Variants in CCDC112 observed in about 807,000 individuals in gnomAD.
CCDC112 encodes coiled-coil domain-containing protein 112.
A neutral mutation model predicts 66.3 loss-of-function variants in CCDC112; 40 were observed. The ratio of observed to expected loss-of-function variants is 0.60; its 90% CI spans 0.47 to 0.79. The LOEUF is 0.79. CCDC112 is among the 30% of genes least tolerant of loss of function. The pLI, the probability that CCDC112 is intolerant of heterozygous loss-of-function variation, is 0.00. For synonymous variants in CCDC112, 214 were observed against 197.2 expected (o/e 1.09, Z -0.71); for missense variants, 659 against 603.8 (o/e 1.09, Z -0.96).
intron 3 of CCDC112, 70 bp downstream of exon 3, chr5:115,279,577 A>T: frequency 1.3e-6 from 2 of 1,499,590 alleles, no homozygotes; most frequent in South Asian, 2.3e-5. Flanking sequence ...ATGCACAAAG[A>T]CAAAGCACAG....
At chr5:115,269,875 A>G (rs1359066286) in intron 7 of CCDC112, 77 bp from the exon 8 acceptor site, 8 of 831,550 alleles carry the variant, frequency 9.6e-6, no homozygotes. Flanking sequence ...TCACAAGTAA[A>G]ATTAAATTAC....
At chr5:115,276,275 T>C (rs1480662711) in intron 4 of CCDC112, among the ~76,000 whole-genome samples, 1 of 152,184 alleles carries the variant, frequency 6.6e-6, no homozygotes, top group Middle Eastern at 3.2e-3. Flanking sequence ...ATCATAATTA[T>C]CTCCATTTTA....
intron 1 of CCDC112, among the ~76,000 whole-genome samples, chr5:115,287,023 C>G (rs1295774997): frequency 6.6e-6 from 1 of 152,098 alleles, no homozygotes; most frequent in Non-Finnish European, 1.5e-5. Context: ...AAATATATCC[C>G]CCCATTCTCT....
chr5:115,280,697 G>A (rs1160312581), intron 2 of CCDC112, among the ~76,000 whole-genome samples: 2 of 151,552 alleles, frequency 1.3e-5, no homozygotes, highest in East Asian at 2.0e-4. Context: ...GGACTACAGG[G>A]GCACACAACC....
At chr5:115,279,372 A>AT (rs1477625410) in intron 3 of CCDC112, among the ~76,000 whole-genome samples, 1 of 151,910 alleles carries the variant, frequency 6.6e-6, no homozygotes, top group Non-Finnish European at 1.5e-5. Context: ...GTCAACCAAA[A>AT]AAATCCCCCA....
chr5:115,269,872 T>A, intron 7 of CCDC112, 74 bp from the exon 8 acceptor site: 1 of 841,236 alleles, frequency 1.2e-6, no homozygotes, highest in Non-Finnish European at 1.8e-6. Context: ...TGTTCACAAG[T>A]AAAATTAAAT....
intron 3 of CCDC112, among the ~76,000 whole-genome samples, 193 bp downstream of exon 3, chr5:115,279,454 G>A (rs142761800): frequency 1.2e-3 from 183 of 152,146 alleles, no homozygotes; most frequent in African/African-American, 4.3e-3. Context: ...ACTAAATAGT[G>A]ACCCGAAAGA....
chr5:115,283,489 G>A (rs1454509509), intron 2 of CCDC112, among the ~76,000 whole-genome samples: 1 of 152,036 alleles, frequency 6.6e-6, no homozygotes, highest in African/African-American at 2.4e-5. Flanking sequence ...GCACACACAA[G>A]GTAACTATGT....
intron 1 of CCDC112, among the ~76,000 whole-genome samples, chr5:115,288,652 C>T (rs6894392): frequency 0.3 from 45,516 of 152,046 alleles, 8,049 homozygotes; most frequent in Non-Finnish European, 0.4. Flanking sequence ...GACTCCATAT[C>T]GCCATTTAGT....
rs77125878 is a variant in CCDC112 at position 115,271,520 on chromosome 5, T to C, written c.1025A>G (p.Asp342Gly). 6.2e-7 allele frequency: 1 copy of C among 1,611,966 alleles called. No homozygotes were observed. The highest frequency in any genetic ancestry group is 8.5e-7 in the Non-Finnish European group (1 of 1,179,540). ...TPVLFHNKQE[D>G]NQKQKEEQRK... Reference sequence around the variant, plus strand: ...TTGTTCCTCTTTTTGCTTTTGATTATCCTCTTGTTTATTATGAAAAAGCAC... The same window carrying C: ...TTGTTCCTCTTTTTGCTTTTGATTACCCTCTTGTTTATTATGAAAAAGCAC... The change falls in exon 7 of 10, where the codon GAT becomes GGT. Residue 342 changes from aspartate (D) to glycine (G), a missense_variant. Asp to Gly is a moderately conservative substitution (Grantham distance 94, BLOSUM62 -1). Transcript: ENST00000379611.
In CCDC112 at chr5:115,276,897, T is replaced by C. The variant is rs941512358; in HGVS notation, c.451+68A>G. 3.0e-5 allele frequency: 29 copies of C among 981,090 alleles called. 1 individual carries two copies. The highest frequency in any genetic ancestry group is 7.4e-5 in the East Asian group (3 of 40,408). The allele number at this position is 981,090 out of a possible 1,614,324, so 60.8% of individuals were successfully genotyped here. On this transcript the variant is annotated intron_variant, in intron 4 of 9. Transcript: ENST00000379611. The stretch of plus-strand genomic sequence containing the variant: ...AAGTCCTAACCAATAAAGTAGAGTT[T>C]AGCTCCATTAATGCCAAACAGAAAA...
intron 2 of CCDC112, among the ~76,000 whole-genome samples, 171 bp downstream of exon 2, chr5:115,284,616 A>C (rs1749598388): frequency 6.6e-6 from 1 of 152,196 alleles, no homozygotes; most frequent in Non-Finnish European, 1.5e-5. Flanking sequence ...CTTTATATTG[A>C]ACAGCCTATT....
intron 1 of CCDC112, among the ~76,000 whole-genome samples, chr5:115,288,720 A>C (rs1212523139): frequency 1.3e-5 from 2 of 152,196 alleles, no homozygotes; most frequent in Admixed American, 6.5e-5. Flanking sequence ...CTATGCTGAC[A>C]CCCAAGACAG....
At chr5:115,281,018 A>G (rs1184266176) in intron 2 of CCDC112, among the ~76,000 whole-genome samples, 1 of 148,616 alleles carries the variant, frequency 6.7e-6, no homozygotes, top group Non-Finnish European at 1.5e-5. Flanking sequence ...TTTGCCATAC[A>G]TAGAGAATTT....
Position 115,269,719 on chromosome 5 carries a change from G to A in CCDC112, c.1412C>T (p.Ala471Val), listed in dbSNP as rs1360222043. 2 of 1,595,756 alleles carry A rather than the reference G, an allele frequency of 1.3e-6. No individual in the cohort carries two copies. The highest frequency in any genetic ancestry group is 1.7e-6 in the Non-Finnish European group (2 of 1,171,266). Residue 471 changes from alanine to valine, a missense_variant, in exon 8 of 10, where the codon GCA becomes GTA. By Grantham distance (64) the Ala-to-Val change is moderately conservative (BLOSUM62 0). Coordinates refer to ENST00000379611, the MANE Select transcript of CCDC112 (RefSeq NM_001040440.3). ...DEKSQKQRRL[A>V]KLKEKVENNV... ...GCAGAGTACCTTTTCTTTTAATTTT[G>A]CCAGTCTTCTTTGTTTTTGTGACTT... is the stretch of plus-strand genomic sequence containing the variant.
intron 2 of CCDC112, among the ~76,000 whole-genome samples, chr5:115,280,912 G>T (rs1249538002): frequency 6.6e-6 from 1 of 151,934 alleles, no homozygotes; most frequent in Non-Finnish European, 1.5e-5. Context: ...ACTAATCTTG[G>T]ATTTAATAAG....
intron 3 of CCDC112, among the ~76,000 whole-genome samples, chr5:115,277,717 T>G (rs964565130): frequency 6.6e-6 from 1 of 152,206 alleles, no homozygotes; most frequent in Non-Finnish European, 1.5e-5. Flanking sequence ...AACGATTCTT[T>G]CAAATTGTCT....
At chr5:115,282,208 T>A (rs1580803123) in intron 2 of CCDC112, among the ~76,000 whole-genome samples, 1 of 152,198 alleles carries the variant, frequency 6.6e-6, no homozygotes, top group African/African-American at 2.4e-5. Flanking sequence ...ATCTCCAAGA[T>A]AACCTCTTTT....
Position 115,271,606 on chromosome 5 carries a change from A to G in CCDC112, c.939T>C (p.Thr313=). The G allele has an allele frequency of 1.3e-6, 2 of 1,536,070 alleles. No individual in the cohort carries two copies. The highest frequency in any genetic ancestry group is 1.3e-5 in the South Asian group (1 of 77,744). The change falls in exon 7 of 10, where the codon ACT becomes ACC. Residue 313 remains threonine (T), a synonymous_variant. Coordinates refer to ENST00000379611, the MANE Select transcript of CCDC112 (RefSeq NM_001040440.3). ...TTTCCTCCCTTTTTTGCTGCTTTTT[A>G]GTTTTCCAAATCTGAATTGACTAAA... is the stretch of plus-strand genomic sequence containing the variant. ...RKKESIQIWK[T]KKQQKREEIF... is the part of the protein sequence containing the mutation.
Sources: allele counts gnomAD v4.1 joint callset (sites outside exome capture counted in the v4.1 genomes callset), GRCh38; gene constraint gnomAD v4.1.1; transcripts MANE v1.5; gene names NCBI Gene and HGNC (gene_info 2026-07-23, HGNC 2026-07-21).